TTN: variants seen among roughly 807,000 people sequenced by gnomAD.
TTN encodes the protein connectin.
TTN carries 1,525 observed loss-of-function variants against 3,223.0 expected under a neutral mutation model. The observed-to-expected ratio is 0.47, with a 90% CI of 0.45 to 0.49. TTN has a LOEUF of 0.49. TTN is among the 20% of genes least tolerant of loss of function. TTN has a pLI of 0.00. For missense variants in TTN, 40,786 were observed against 43,424.0 expected, an observed-to-expected ratio of 0.94 and a Z score of 5.40; for synonymous variants, 14,094 against 15,161.0, an observed-to-expected ratio of 0.93 and a Z score of 5.17.
In TTN at chr2:178,565,255, G is replaced by A; in HGVS notation, c.80877C>T (p.Gly26959=). 1.2e-6 allele frequency: 2 copies of A among 1,613,620 alleles called. No individual in the cohort carries two copies. The highest frequency in any genetic ancestry group is 1.7e-6 in the Non-Finnish European group (2 of 1,179,712). The stretch of plus-strand genomic sequence containing the variant: ...TAACACTGAGATTTTCTGTTGCTGT[G>A]CCTGCACTATTTGTTGCCGTTACGG... The part of the protein sequence containing the change: ...KYTVTATNSA[G]TATENLSVIV... Residue 26959 remains glycine, a synonymous_variant, in exon 326 of 363, where the codon GGC becomes GGT. Coordinates refer to ENST00000589042, the MANE Select transcript of TTN (RefSeq NM_001267550.2).
At chr2:178,527,821 C>T in intron 361 of TTN, 73 bp from the exon 362 acceptor site, 1 of 1,417,922 alleles carries the variant, frequency 7.1e-7, no homozygotes, top group East Asian at 2.3e-5. Context: ...CGCTGACTTA[C>T]AGAAATGGAA....
In TTN at chr2:178,543,487, T is replaced by G. The variant is rs1306903281; in HGVS notation, c.96486A>C (p.Thr32162=). ...FKTVTTKCSK[T]LYRISGLVEG... ...CTACAAGTCCAGAAATTCTGTAAAG[T>G]GTCTTGCTGCATTTGGTAGTTACTG... The change falls in exon 347 of 363, where the codon ACA becomes ACC. Residue 32162 remains threonine, a synonymous_variant. Transcript: ENST00000589042. 1.9e-6 allele frequency: 3 copies of G among 1,613,770 alleles called. No homozygotes were observed. In the South Asian group the frequency reaches 3.3e-5, roughly 18 times the overall value.
In TTN at chr2:178,636,894, C is replaced by A; in HGVS notation, c.40928-95G>T. 7.3e-7 allele frequency: 1 copy of A among 1,377,074 alleles called. No homozygotes were observed. The highest frequency in any genetic ancestry group is 9.6e-7 in the Non-Finnish European group (1 of 1,037,970). 85.3% of individuals were successfully genotyped at this position (1,377,074 alleles called of 1,614,324 possible). On this transcript the variant is annotated intron_variant, in intron 224 of 362. Coordinates refer to ENST00000589042, the MANE Select transcript of TTN (RefSeq NM_001267550.2). This position sits in a 1 kb window ranked among gnomAD's most constrained non-coding sequence, Gnocchi z 4.3. ...CTGCTGGATAAAACCAGCCGTAAAG[C>A]AATTAGAAGACGAGAAAACTAAAGA... is the stretch of plus-strand genomic sequence containing the variant.
chr2:178,688,485 T>C (rs2071447878), intron 126 of TTN, among the ~76,000 whole-genome samples, 192 bp downstream of exon 126: 3 of 152,192 alleles, frequency 2.0e-5, no homozygotes, highest in Non-Finnish European at 4.4e-5. Flanking sequence ...TTCCTTCGAA[T>C]GATTCAAGGC....
intron 240 of TTN, among the ~76,000 whole-genome samples, chr2:178,626,226 A>C (rs561466528): frequency 6.6e-6 from 1 of 151,970 alleles, no homozygotes; most frequent in Non-Finnish European, 1.5e-5. Context: ...TATTTTGCAA[A>C]CCAATTAAAC....
chr2:178,573,218 A>C lies in TTN; in HGVS notation c.72914T>G (p.Ile24305Ser). 6.2e-7 allele frequency: 1 copy of C among 1,607,102 alleles called. No homozygotes were observed. Residue 24305 changes from isoleucine to serine, a missense_variant, in exon 326 of 363, where the codon ATT becomes AGT. Ile to Ser is a moderately radical substitution (Grantham distance 142). Coordinates refer to ENST00000589042, the MANE Select transcript of TTN (RefSeq NM_001267550.2). ...FRIMAENAAG[I>S]SAPSPTSPFY... is the part of the protein sequence containing the mutation. ...TGGACTGGTAGGACTTGGTGCACTA[A>C]TTCCAGCAGCATTTTCAGCCATAAT...
chr2:178,571,286 T>C lies in TTN; in HGVS notation c.74846A>G (p.Glu24949Gly), dbSNP rs1179463518. ...CTTAACCCAGAGGATGCTATTTCTT[T>C]CCTTGCGTTCTAGATGATAGCCAAT... is the stretch of plus-strand genomic sequence containing the variant. ...RVIGYHLERK[E>G]RNSILWVKLN... Residue 24949 changes from glutamate (E) to glycine (G), a missense_variant, in exon 326 of 363, where the codon GAA becomes GGA. By Grantham distance (98) the Glu-to-Gly change is moderately conservative. Coordinates refer to ENST00000589042, the MANE Select transcript of TTN (RefSeq NM_001267550.2). 1 of 1,613,512 alleles carries C rather than the reference T, an allele frequency of 6.2e-7. No individual in the cohort carries two copies. Among genetic ancestry groups the C allele is most frequent in the South Asian group, 1.1e-5 (1 of 91,070 alleles).
rs1389752714 is a variant in TTN, at chr2:178,634,683, TA to T, written c.42151+39del. 6.8e-6 allele frequency: 11 copies of T among 1,611,388 alleles called. No individual in the cohort carries two copies. Among genetic ancestry groups the T allele is most frequent in the Non-Finnish European group, 9.3e-6 (11 of 1,179,080 alleles). On this transcript the variant is annotated intron_variant, in intron 229 of 362. Transcript: ENST00000589042. This position sits in a 1 kb window ranked among gnomAD's most constrained non-coding sequence, Gnocchi z 4.6. ...TTTCAGAATGCACAGGGAAGTGAAA[TA>T]AAGTTGAGACCCCTCCCCAAATTCT...
Position 178,771,227 on chromosome 2 carries a change from G to A in TTN, c.8100C>T (p.Ala2700=), listed in dbSNP as rs1241658976. The A allele has an allele frequency of 1.2e-6, 2 of 1,614,006 alleles. No homozygotes were observed. Among genetic ancestry groups the A allele is most frequent in the Non-Finnish European group, 1.7e-6 (2 of 1,179,980 alleles). ...TYKVATSKTS[A]KLKVEAVKIK... is the part of the protein sequence containing the mutation. Reference sequence around the variant, plus strand: ...GTTACTTGCCTTCAACTTTGAGTTTGGCAGATGTTTTGGAGGTGGCCACCT... The same window carrying A: ...GTTACTTGCCTTCAACTTTGAGTTTAGCAGATGTTTTGGAGGTGGCCACCT... Residue 2700 remains alanine (A), a synonymous_variant, in exon 34 of 363, where the codon GCC becomes GCT. Coordinates refer to ENST00000589042, the MANE Select transcript of TTN (RefSeq NM_001267550.2).
At position 178,620,941 on chromosome 2, in the gene TTN, CTGT is replaced by C. The variant is rs1051737055; in HGVS notation, c.45666_45668del (p.Gln15223del). 2 of 1,612,396 alleles carry C rather than the reference CTGT, an allele frequency of 1.2e-6. No homozygotes were observed. Among genetic ancestry groups the C allele is most frequent in the African/African-American group, 1.3e-5 (1 of 74,924 alleles). ...TGACTTCACAGTTGAAGACAACTTC[CTGT>C]TGTTCCTTCACCCGGGTGTCCTTAA... is the stretch of plus-strand genomic sequence containing the variant. On this transcript the variant is annotated inframe_deletion, in exon 247 of 363. Coordinates refer to ENST00000589042, the MANE Select transcript of TTN (RefSeq NM_001267550.2).
intron 33 of TTN, 155 bp downstream of exon 33, chr2:178,772,953 TG>T: frequency 1.2e-6 from 1 of 868,694 alleles, no homozygotes; most frequent in Non-Finnish European, 1.8e-6. Context: ...TAATTTAGGC[TG>T]GTGGGAATGG....
intron 47 of TTN, among the ~76,000 whole-genome samples, chr2:178,743,166 G>T (rs2082805916): frequency 6.6e-6 from 1 of 151,870 alleles, no homozygotes; most frequent in East Asian, 1.9e-4. Flanking sequence ...TGAACTATTT[G>T]CAAATATTTT....
Position 178,546,727 on chromosome 2 carries a change from A to G in TTN, c.94701T>C (p.Asn31567=). 6.2e-7 allele frequency: 1 copy of G among 1,613,748 alleles called. No individual in the cohort carries two copies. Among genetic ancestry groups the G allele is most frequent in the Non-Finnish European group, 8.5e-7 (1 of 1,179,748 alleles). ...LKCNYTIVSD[N]FFTVTALSEG... The stretch of plus-strand genomic sequence containing the variant: ...CACTGAGAGCAGTCACGGTGAAGAA[A>G]TTGTCAGATACAATGGTGTAGTTGC... The change falls in exon 341 of 363, where the codon AAT becomes AAC. Residue 31567 remains asparagine (N), a synonymous_variant. Transcript: ENST00000589042.
chr2:178,776,590 C>T lies in TTN; in HGVS notation c.5274G>A (p.Gly1758=), dbSNP rs1263482171. 6.2e-7 allele frequency: 1 copy of T among 1,613,776 alleles called. No homozygotes were observed. Among genetic ancestry groups the T allele is most frequent in the East Asian group, 2.2e-5 (1 of 44,864 alleles). Residue 1758 remains glycine (G), a synonymous_variant, in exon 28 of 363, where the codon GGG becomes GGA. Coordinates refer to ENST00000589042, the MANE Select transcript of TTN (RefSeq NM_001267550.2). ...ANRLRMINEF[G]YCSLDYGVAY... Reference sequence around the variant, plus strand: ...CAACGCCATAATCAAGGCTGCAGTACCCAAATTCATTGATCATACGGAGCC... The same window carrying T: ...CAACGCCATAATCAAGGCTGCAGTATCCAAATTCATTGATCATACGGAGCC...
chr2:178,759,022 A>T lies in TTN; in HGVS notation c.10265T>A (p.Val3422Glu). The change falls in exon 44 of 363, where the codon GTA becomes GAA. Residue 3422 changes from valine to glutamate, a missense_variant. By Grantham distance (121) the Val-to-Glu change is moderately radical (BLOSUM62 -2). Coordinates refer to ENST00000589042, the MANE Select transcript of TTN (RefSeq NM_001267550.2). ...GTTGGCTGTGCTTGATACTTGGCCT[A>T]CAGCATTACTAGCAACAAACGTGTA... ...GTYTFVASNA[V>E]GQVSSTANLS... The T allele has an allele frequency of 6.2e-7, 1 of 1,614,016 alleles. No individual in the cohort carries two copies. Among genetic ancestry groups the T allele is most frequent in the Non-Finnish European group, 8.5e-7 (1 of 1,179,936 alleles).
chr2:178,633,758 T>TTAC, intron 231 of TTN, 59 bp downstream of exon 231: 1 of 1,605,262 alleles, frequency 6.2e-7, no homozygotes. Context: ...AAATATTTTA[T>TTAC]TACTCCCCAC....
rs72646889 is a variant in TTN, at chr2:178,575,481, G to A, written c.70651C>T (p.Leu23551=). The change falls in exon 326 of 363, where the codon CTG becomes TTG. Residue 23551 remains leucine, a synonymous_variant. Coordinates refer to ENST00000589042, the MANE Select transcript of TTN (RefSeq NM_001267550.2). This position sits in a 1 kb window ranked among gnomAD's most constrained non-coding sequence, Gnocchi z 4.0. ...TCGTGTTTGGGCTTAGGCCATGCCAGGCTGACGGTGCTCTTAGTTATGTCC... is the reference window on the plus strand; with the variant it reads ...TCGTGTTTGGGCTTAGGCCATGCCAAGCTGACGGTGCTCTTAGTTATGTCC... ...IMDITKSTVS[L]AWPKPKHDGG... is the part of the protein sequence containing the mutation. 298 of 1,613,682 alleles carry A rather than the reference G, an allele frequency of 1.8e-4. 1 individual carries two copies. In the Middle Eastern group the frequency reaches 4.5e-3, roughly 24 times the overall value.
chr2:178,783,953 A>G (rs72647863), intron 16 of TTN, 117 bp downstream of exon 16: 2 of 1,533,454 alleles, frequency 1.3e-6, no homozygotes, highest in Non-Finnish European at 1.8e-6. Context: ...ATCAAGTCTT[A>G]GTATGGCAAA....
At chr2:178,703,776 C>G (rs139227534) in intron 106 of TTN, among the ~76,000 whole-genome samples, 148 of 152,274 alleles carry the variant, frequency 9.7e-4, no homozygotes, top group African/African-American at 3.4e-3. Flanking sequence ...GTCCTATAAA[C>G]AAAATATCAA....
Sources: allele counts gnomAD v4.1 joint callset (sites outside exome capture counted in the v4.1 genomes callset), GRCh38; gene constraint gnomAD v4.1.1; non-coding constraint Gnocchi (gnomAD v3.1); transcripts MANE v1.5; gene names NCBI Gene and HGNC (gene_info 2026-07-23, HGNC 2026-07-21).